Variants in CDH19 observed in about 807,000 individuals in gnomAD.
CDH19 encodes the protein cadherin-19.
Under a neutral mutation model 64.2 loss-of-function variants are expected in CDH19, and 67 were observed. The ratio of observed to expected loss-of-function variants is 1.04; its 90% CI spans 0.86 to 1.28. The LOEUF is 1.28. Among genes scored for constraint, CDH19 ranks in the 50% most tolerant of loss-of-function variants. The pLI, the probability that CDH19 is intolerant of heterozygous loss-of-function variation, is 0.00. For missense variants in CDH19, 1,030 were observed against 929.0 expected (o/e 1.11, Z -1.41); for synonymous variants, 346 against 319.3 (o/e 1.08, Z -0.89).
At chr18:66,563,117 A>T (rs12960039) in intron 3 of CDH19, among the ~76,000 whole-genome samples, 1 of 151,788 alleles carries the variant, frequency 6.6e-6, no homozygotes, top group African/African-American at 2.4e-5. Context: ...AAAGTGAAAA[A>T]TTTTCCTATG....
At chr18:66,592,437 G>A (rs957030420) in intron 1 of CDH19, among the ~76,000 whole-genome samples, 1 of 151,660 alleles carries the variant, frequency 6.6e-6, no homozygotes, top group African/African-American at 2.4e-5. Flanking sequence ...TTAAATTATT[G>A]TTAACCATAT....
chr18:66,554,465 C>G lies in CDH19; in HGVS notation c.550G>C (p.Ala184Pro). 1 of 1,611,316 alleles carries G rather than the reference C, an allele frequency of 6.2e-7. No individual in the cohort carries two copies. Among genetic ancestry groups the G allele is most frequent in the Non-Finnish European group, 8.5e-7 (1 of 1,178,082 alleles). Residue 184 changes from alanine (A) to proline (P), a missense_variant, in exon 4 of 12, where the codon GCT becomes CCT. Physicochemically the swap from Ala to Pro is conservative, Grantham distance 27 (BLOSUM62 -1). Coordinates refer to ENST00000262150, the MANE Select transcript of CDH19 (RefSeq NM_021153.4). The stretch of plus-strand genomic sequence containing the variant: ...TGAAGTAAGCTGTAGAGGAGACGAG[C>G]ATTATTACCACTTGAGGGATCGTCA... ...DADDPSSGNNARLLYSLLQGQ... is the reference protein window; with the variant it reads ...DADDPSSGNNPRLLYSLLQGQ...
chr18:66,536,204 A>G (rs1407495086), intron 7 of CDH19, among the ~76,000 whole-genome samples: 1 of 151,628 alleles, frequency 6.6e-6, no homozygotes, highest in Non-Finnish European at 1.5e-5. Flanking sequence ...TTGATGAGAT[A>G]TCAAGGAAGT....
chr18:66,558,784 G>A (rs1987614825), intron 3 of CDH19, among the ~76,000 whole-genome samples: 1 of 151,950 alleles, frequency 6.6e-6, no homozygotes, highest in South Asian at 2.1e-4. Flanking sequence ...GTTAAATATA[G>A]GTTAACTAAC....
intron 1 of CDH19, among the ~76,000 whole-genome samples, chr18:66,584,659 T>C (rs889344975): frequency 2.0e-5 from 3 of 152,072 alleles, no homozygotes. Context: ...CTCACTGCTC[T>C]TTAGTGACAG....
intron 3 of CDH19, among the ~76,000 whole-genome samples, chr18:66,561,643 T>A (rs562687004): frequency 6.6e-6 from 1 of 152,062 alleles, no homozygotes; most frequent in African/African-American, 2.4e-5. Context: ...CTGAGTGGGG[T>A]CACTGTGGCT....
chr18:66,547,731 G>A (rs868133711), intron 5 of CDH19, among the ~76,000 whole-genome samples: 2 of 138,288 alleles, frequency 1.4e-5, no homozygotes, highest in African/African-American at 5.8e-5. Flanking sequence ...GCAGTGGCGG[G>A]ATCTCGGCTC....
At chr18:66,530,472 A>G (rs1986400860) in intron 8 of CDH19, among the ~76,000 whole-genome samples, 1 of 152,062 alleles carries the variant, frequency 6.6e-6, no homozygotes. Flanking sequence ...TTTAGGGCGT[A>G]GCTTTTAAAA....
chr18:66,540,894 A>T (rs1478789419), intron 7 of CDH19, among the ~76,000 whole-genome samples: 1 of 152,198 alleles, frequency 6.6e-6, no homozygotes. Flanking sequence ...ATAATTTCTT[A>T]TGAAGTTCTT....
Position 66,575,269 on chromosome 18 carries a change from A to T in CDH19, c.-112-2953T>A, listed in dbSNP as rs185830930. ...TGTTAAGAGTGAAAAAGTACTAAGT[A>T]CATTGTCAGAGTGGGAAACTGTCTT... On this transcript the variant is annotated intron_variant, in intron 1 of 11. Coordinates refer to ENST00000262150, the MANE Select transcript of CDH19 (RefSeq NM_021153.4). Among the ~76,000 whole-genome samples, 16 of 151,886 alleles carry T rather than the reference A, an allele frequency of 1.1e-4. No homozygotes were observed. The East Asian group carries it at 3.1e-3, about 29-fold the overall frequency.
At chr18:66,546,459 T>C (rs979066529) in intron 5 of CDH19, among the ~76,000 whole-genome samples, 1 of 152,196 alleles carries the variant, frequency 6.6e-6, no homozygotes, top group African/African-American at 2.4e-5. Flanking sequence ...TATTAAACTA[T>C]TGGTCTTCAA....
At chr18:66,546,515 C>T (rs1328277246) in intron 5 of CDH19, among the ~76,000 whole-genome samples, 3 of 152,074 alleles carry the variant, frequency 2.0e-5, no homozygotes, top group African/African-American at 7.2e-5. Context: ...ATTTTGTCTA[C>T]ATAATTTTCC....
intron 1 of CDH19, among the ~76,000 whole-genome samples, chr18:66,597,360 G>A (rs530992059): frequency 6.6e-5 from 10 of 152,068 alleles, no homozygotes; most frequent in African/African-American, 2.2e-4. Flanking sequence ...AATGGGGAAA[G>A]GACTCCTTTT....
intron 7 of CDH19, among the ~76,000 whole-genome samples, chr18:66,537,153 T>G (rs1013020896): frequency 6.6e-6 from 1 of 151,984 alleles, no homozygotes; most frequent in East Asian, 1.9e-4. Context: ...AAACTATAGT[T>G]GGATTTCACT....
At chr18:66,596,072 A>T (rs1296238132) in intron 1 of CDH19, 1 of 152,174 alleles carries the variant, frequency 6.6e-6, no homozygotes, top group Admixed American at 6.5e-5. Flanking sequence ...TCACATGATC[A>T]TGTCCATACA....
chr18:66,561,111 A>AT (rs1987706499), intron 3 of CDH19, among the ~76,000 whole-genome samples: 1 of 150,444 alleles, frequency 6.6e-6, no homozygotes, highest in African/African-American at 2.5e-5. Flanking sequence ...ATTTAACTAT[A>AT]TCTTAAGAGA....
intron 1 of CDH19, among the ~76,000 whole-genome samples, chr18:66,581,208 CA>C (rs1988412145): frequency 6.8e-6 from 1 of 146,870 alleles, no homozygotes; most frequent in Non-Finnish European, 1.5e-5. Context: ...TATTTATTTT[CA>C]AAGTTGTAAA....
chr18:66,594,617 A>G (rs1382849741), intron 1 of CDH19, among the ~76,000 whole-genome samples: 1 of 152,044 alleles, frequency 6.6e-6, no homozygotes, highest in Non-Finnish European at 1.5e-5. Context: ...AATGTCCAAC[A>G]ATGATACACT....
At chr18:66,581,083 G>GCT (rs1229726054) in intron 1 of CDH19, among the ~76,000 whole-genome samples, 1 of 152,010 alleles carries the variant, frequency 6.6e-6, no homozygotes, top group East Asian at 1.9e-4. Context: ...CCAATCAGAT[G>GCT]AATATGCTAA....
Sources: allele counts gnomAD v4.1 joint callset (sites outside exome capture counted in the v4.1 genomes callset), GRCh38; gene constraint gnomAD v4.1.1; transcripts MANE v1.5; gene names NCBI Gene and HGNC (gene_info 2026-07-23, HGNC 2026-07-21).